The following DTD1 variants were observed in gnomAD, a reference collection of about 807,000 sequenced individuals.
DTD1 encodes D-aminoacyl-tRNA deacylase 1, also known as D-tyrosyl-tRNA deacylase 1 homolog.
Under a neutral mutation model 25.6 loss-of-function variants are expected in DTD1, and 13 were observed. The ratio of observed to expected loss-of-function variants is 0.51; its 90% confidence interval spans 0.33 to 0.81. DTD1 has a LOEUF of 0.81. Among genes scored for constraint, DTD1 ranks in the 30% least tolerant of loss-of-function variants. The pLI is 0.02. For missense variants in DTD1, 193 were observed against 266.4 expected, an observed-to-expected ratio of 0.72 and a Z score of 1.92; for synonymous variants, 110 against 103.6, an observed-to-expected ratio of 1.06 and a Z score of -0.37.
chr20:18,755,377 T>C (rs1031175551), intron 5 of DTD1, among the ~76,000 whole-genome samples: 1 of 152,198 alleles, frequency 6.6e-6, no homozygotes, highest in Non-Finnish European at 1.5e-5. Context: ...CGTTAACTCG[T>C]CATTTAACAT....
chr20:18,696,352 AC>A (rs2061076272), intron 4 of DTD1, among the ~76,000 whole-genome samples: 1 of 151,996 alleles, frequency 6.6e-6, no homozygotes, highest in Non-Finnish European at 1.5e-5. Flanking sequence ...AGGAAAGATG[AC>A]ATCTGTAGTT....
intron 4 of DTD1, among the ~76,000 whole-genome samples, chr20:18,697,100 T>C (rs1325591297): frequency 1.3e-5 from 2 of 151,430 alleles, no homozygotes; most frequent in Admixed American, 6.6e-5. Context: ...GGCGTGGTGG[T>C]GGGTGCCTGT....
chr20:18,760,461 C>A (rs982914481), intron 5 of DTD1, among the ~76,000 whole-genome samples: 1 of 152,284 alleles, frequency 6.6e-6, no homozygotes, highest in Non-Finnish European at 1.5e-5. Flanking sequence ...ATAGTCAGGA[C>A]CCTCAGCTGC....
chr20:18,665,487 C>T (rs2060928338), intron 4 of DTD1, among the ~76,000 whole-genome samples: 1 of 152,178 alleles, frequency 6.6e-6, no homozygotes, highest in Non-Finnish European at 1.5e-5. Context: ...GTGGTTCTGC[C>T]CTGGCAGTTT....
chr20:18,674,259 C>T (rs1206753627), intron 4 of DTD1: 2 of 151,978 alleles, frequency 1.3e-5, no homozygotes, highest in Non-Finnish European at 2.9e-5. Flanking sequence ...TATTACCAAA[C>T]GTTTATGATT....
intron 4 of DTD1, among the ~76,000 whole-genome samples, chr20:18,665,564 G>C (rs2060928647): frequency 6.6e-6 from 1 of 152,164 alleles, no homozygotes; most frequent in African/African-American, 2.4e-5. Flanking sequence ...TAGTTTGAAT[G>C]GTGTCCTGAG....
chr20:18,695,118 C>T (rs2061065716), intron 4 of DTD1, among the ~76,000 whole-genome samples: 1 of 152,096 alleles, frequency 6.6e-6, no homozygotes, highest in Admixed American at 6.5e-5. Flanking sequence ...ATCCTGCTTC[C>T]ATGTTAGCAT....
chr20:18,639,882 G>GC (rs1194839809), intron 4 of DTD1, among the ~76,000 whole-genome samples: 2 of 152,052 alleles, frequency 1.3e-5, no homozygotes, highest in Non-Finnish European at 2.9e-5. Context: ...TATCCCCCGG[G>GC]CAGTGGCTCT....
chr20:18,721,791 G>T (rs1308086587), intron 4 of DTD1, among the ~76,000 whole-genome samples: 1 of 152,032 alleles, frequency 6.6e-6, no homozygotes, highest in Non-Finnish European at 1.5e-5. Context: ...AAGGTGTTTT[G>T]GAGTGGTTGT....
intron 5 of DTD1, among the ~76,000 whole-genome samples, chr20:18,744,999 C>G (rs1345737158): frequency 6.6e-6 from 1 of 152,186 alleles, no homozygotes; most frequent in Non-Finnish European, 1.5e-5. Context: ...CTGCCTGTGC[C>G]AGTCCACAGC....
chr20:18,619,084 G>A (rs917447321), intron 3 of DTD1, among the ~76,000 whole-genome samples: 1 of 151,766 alleles, frequency 6.6e-6, no homozygotes, highest in Non-Finnish European at 1.5e-5. Context: ...GGCTCAAGCC[G>A]TCTTCCCACC....
chr20:18,652,550 C>T (rs1165531151), intron 4 of DTD1, among the ~76,000 whole-genome samples: 2 of 152,198 alleles, frequency 1.3e-5, no homozygotes, highest in African/African-American at 2.4e-5. Context: ...CAGGGATACA[C>T]GGGTAACACT....
intron 4 of DTD1, among the ~76,000 whole-genome samples, chr20:18,724,008 T>C (rs1600391585): frequency 6.6e-6 from 1 of 152,178 alleles, no homozygotes; most frequent in East Asian, 1.9e-4. Flanking sequence ...TTCCAGGCAT[T>C]GCGTGGAGAC....
At chr20:18,713,911 C>T (rs891182191) in intron 4 of DTD1, among the ~76,000 whole-genome samples, 4 of 152,152 alleles carry the variant, frequency 2.6e-5, no homozygotes, top group Admixed American at 2.0e-4. Context: ...GTTGCCTTCA[C>T]GCAGGTGAGC....
intron 4 of DTD1, chr20:18,643,265 A>G (rs924699440): frequency 6.0e-6 from 2 of 334,366 alleles, no homozygotes; most frequent in African/African-American, 2.2e-5. Flanking sequence ...ATCCCAGGGT[A>G]TGGGTTTTTC....
chr20:18,621,034 T>C (rs184788080), intron 3 of DTD1, among the ~76,000 whole-genome samples: 3 of 152,378 alleles, frequency 2.0e-5, no homozygotes, highest in Admixed American at 2.0e-4. Flanking sequence ...TACTATTGAC[T>C]AAACTACAGA....
intron 4 of DTD1, among the ~76,000 whole-genome samples, chr20:18,715,457 C>A (rs1035012418): frequency 1.3e-5 from 2 of 152,110 alleles, no homozygotes; most frequent in Admixed American, 1.3e-4. Flanking sequence ...GGTGTCTGGC[C>A]GTGTACTGGG....
intron 4 of DTD1, among the ~76,000 whole-genome samples, chr20:18,688,903 T>G (rs1686540736): frequency 6.6e-6 from 1 of 151,838 alleles, no homozygotes; most frequent in Admixed American, 6.6e-5. Context: ...TGGGGAGGTA[T>G]GTGTTAGCAG....
In DTD1 at chr20:18,662,610, G is replaced by A. The variant is rs552338920; in HGVS notation, c.477+34377G>A. 3.3e-5 allele frequency among the ~76,000 whole-genome samples: 5 copies of A among 152,340 alleles called. No homozygotes were observed. In the East Asian group the frequency reaches 5.8e-4, roughly 18 times the overall value. On this transcript the variant is annotated intron_variant, in intron 4 of 5. Coordinates refer to ENST00000377452, the MANE Select transcript of DTD1 (RefSeq NM_080820.6). Reference sequence around the variant, plus strand: ...CAAACAACCAAAATGCTAATCAGTAGAGGAAAGGTTACACAAAGGGTGTCT... The same window carrying A: ...CAAACAACCAAAATGCTAATCAGTAAAGGAAAGGTTACACAAAGGGTGTCT...
Sources: gnomAD v4.1 joint callset for allele counts (sites outside exome capture counted in the v4.1 genomes callset) on GRCh38, gnomAD v4.1.1 for gene constraint, MANE v1.5 for transcripts, NCBI Gene and HGNC (gene_info 2026-07-23, HGNC 2026-07-21) for gene names.